The following APCDD1L variants were observed in gnomAD, a reference collection of about 807,000 sequenced individuals.
APCDD1L encodes protein APCDD1-like.
In APCDD1L, 21 loss-of-function variants were observed where a neutral mutation model predicts 24.2. The ratio of observed to expected loss-of-function variants is 0.87; its 90% confidence interval spans 0.61 to 1.25. The LOEUF (loss-of-function observed/expected upper bound fraction) is 1.25, where lower values mean the gene tolerates loss of function less well. Ranked by LOEUF, APCDD1L falls within the 50% of genes most tolerant of loss-of-function variation. The pLI is 0.00. For synonymous variants in APCDD1L, 321 were observed against 323.6 expected, an observed-to-expected ratio of 0.99 and a Z score of 0.09; for missense variants, 704 against 711.7, an observed-to-expected ratio of 0.99 and a Z score of 0.12.
At position 58,460,959 on chromosome 20, in the gene APCDD1L, G is replaced by T; in HGVS notation, c.1337C>A (p.Thr446Asn). Residue 446 changes from threonine to asparagine, a missense_variant, in exon 4 of 4, where the codon ACC (threonine) becomes AAC (asparagine). Thr to Asn is a moderately conservative substitution (Grantham distance 65). Transcript: ENST00000371149. The surrounding 1 kb of genome is among the most constrained non-coding windows in gnomAD (Gnocchi z 4.2). ...GAGCACCAGGGGTGCTTGGTAGGAG[G>T]TGGGACGTTTCTCTGGGGTATCGGG... ...SSPDTPEKRP[T>N]SYQAPLVLCH... 6.2e-7 allele frequency: 1 copy of T among 1,614,166 alleles called. No homozygotes were observed. Among genetic ancestry groups the T allele is most frequent in the African/African-American group, 1.3e-5 (1 of 75,058 alleles).
intron 1 of APCDD1L, among the ~76,000 whole-genome samples, chr20:58,507,260 T>C (rs747025697): frequency 6.6e-6 from 1 of 152,230 alleles, no homozygotes; most frequent in African/African-American, 2.4e-5. Context: ...ACCATGATTG[T>C]GATGACTTCC....
intron 1 of APCDD1L, among the ~76,000 whole-genome samples, chr20:58,510,038 C>T (rs1248692734): frequency 6.6e-6 from 1 of 152,206 alleles, no homozygotes; most frequent in Non-Finnish European, 1.5e-5. Context: ...GGAATTCTGT[C>T]TGTTCTGCCT....
At chr20:58,479,448 C>G (rs1989981198) in intron 1 of APCDD1L, among the ~76,000 whole-genome samples, 1 of 152,170 alleles carries the variant, frequency 6.6e-6, no homozygotes, top group Non-Finnish European at 1.5e-5. Context: ...CAGAGGTTTT[C>G]AAGTTGGCTT....
rs1990715678 is a variant in APCDD1L at position 58,514,986 on chromosome 20, C to A, written c.-279G>T. 1 of 332,756 alleles carries A rather than the reference C, an allele frequency of 3.0e-6. No individual in the cohort carries two copies. Among genetic ancestry groups the A allele is most frequent in the Admixed American group, 4.9e-5 (1 of 20,384 alleles). The allele number at this position is 332,756 out of a possible 1,614,324, so 20.6% of individuals were successfully genotyped here. On this transcript the variant is annotated 5_prime_UTR_variant, in exon 1 of 4. Transcript: ENST00000371149. ...CACACCCGCGCAGCGCGCACAGCCC[C>A]CTGGTGCAGCTCCTGCCATTCAGAC...
chr20:58,479,738 C>T (rs758319517), intron 1 of APCDD1L, among the ~76,000 whole-genome samples: 7 of 151,992 alleles, frequency 4.6e-5, no homozygotes, highest in Non-Finnish European at 1.0e-4. Context: ...TGGCTCCCTA[C>T]CCAAAAAATA....
At chr20:58,500,648 G>C (rs751325764) in intron 1 of APCDD1L, among the ~76,000 whole-genome samples, 1 of 152,102 alleles carries the variant, frequency 6.6e-6, no homozygotes. Flanking sequence ...GGACACCAAG[G>C]CTCCTTGTCT....
intron 1 of APCDD1L, chr20:58,514,042 C>G (rs1990684947): frequency 9.3e-7 from 1 of 1,074,616 alleles, no homozygotes; most frequent in African/African-American, 1.7e-5. Flanking sequence ...CTACCCTACT[C>G]CCCACCCCCA....
rs557310543 is a variant in APCDD1L at position 58,470,546 on chromosome 20, G to A, written c.188+63C>T. 3.9e-5 allele frequency: 59 copies of A among 1,497,342 alleles called. No individual in the cohort carries two copies. In the East Asian group the frequency reaches 1.2e-3, roughly 32 times the overall value. 92.8% of individuals were successfully genotyped at this position (1,497,342 alleles called of 1,614,324 possible). On this transcript the variant is annotated intron_variant, in intron 2 of 3. Coordinates refer to ENST00000371149, the MANE Select transcript of APCDD1L (RefSeq NM_153360.3). ...ATGCCCATTTCAAAGATTGGATGCC[G>A]AGTCCCAGAGGCAGAAGTCTCCCAG...
Position 58,461,520 on chromosome 20 carries a change from A to ATGAGGC in APCDD1L, c.770_775dup (p.Leu258_Ile259insSerLeu). On this transcript the variant is annotated inframe_insertion, in exon 4 of 4. Coordinates refer to ENST00000371149, the MANE Select transcript of APCDD1L (RefSeq NM_153360.3). The surrounding 1 kb of genome is among the most constrained non-coding windows in gnomAD (Gnocchi z 6.0). The stretch of plus-strand genomic sequence containing the variant: ...CGGGTGGTGCACATCGGAGCGGGCA[A>ATGAGGC]TGAGGCCACAGGCTGGGCACGGCTG... 8.3e-6 allele frequency: 12 copies of ATGAGGC among 1,445,690 alleles called. No individual in the cohort carries two copies. The highest frequency in any genetic ancestry group is 1.0e-5 in the Non-Finnish European group (11 of 1,094,776). The allele number at this position is 1,445,690 out of a possible 1,614,324, so 89.6% of individuals were successfully genotyped here.
At position 58,513,728 on chromosome 20, in the gene APCDD1L, C is replaced by T. The variant is rs73918408; in HGVS notation, c.49+931G>A. On this transcript the variant is annotated intron_variant, in intron 1 of 3. Coordinates refer to ENST00000371149, the MANE Select transcript of APCDD1L (RefSeq NM_153360.3). ...CTCCTGCACGTGCTCTCGTAATCTT[C>T]ACAATCATCCCAGACGGAGGAGGGG... 3.6e-3 allele frequency: 1,675 copies of T among 471,242 alleles called. 18 individuals are homozygous for T. The highest frequency in any genetic ancestry group is 0.029 in the African/African-American group (1,452 of 49,918). 29.2% of individuals were successfully genotyped at this position (471,242 alleles called of 1,614,324 possible).
intron 1 of APCDD1L, among the ~76,000 whole-genome samples, chr20:58,512,059 C>A (rs1990639252): frequency 6.6e-6 from 1 of 152,210 alleles, no homozygotes; most frequent in African/African-American, 2.4e-5. Flanking sequence ...CACATCTGGC[C>A]TGACAGGGTT....
intron 1 of APCDD1L, among the ~76,000 whole-genome samples, chr20:58,501,552 C>A (rs1201508826): frequency 6.6e-6 from 1 of 152,224 alleles, no homozygotes; most frequent in Non-Finnish European, 1.5e-5. Context: ...GCCTCCAGAG[C>A]TGGGCAAGAA....
chr20:58,509,165 C>T (rs975527139), intron 1 of APCDD1L, among the ~76,000 whole-genome samples: 5 of 152,064 alleles, frequency 3.3e-5, no homozygotes, highest in African/African-American at 9.7e-5. Flanking sequence ...CTGAGGGAGT[C>T]GTGCTGCCTA....
intron 1 of APCDD1L, among the ~76,000 whole-genome samples, chr20:58,473,986 A>G (rs917842951): frequency 2.0e-5 from 3 of 152,232 alleles, no homozygotes; most frequent in African/African-American, 7.2e-5. Context: ...TCAGAGCACC[A>G]GAAACAGGCC....
In APCDD1L at chr20:58,463,280, C is replaced by A. The variant is rs150559842; in HGVS notation, c.742-1726G>T. Among the ~76,000 whole-genome samples the A allele has an allele frequency of 9.2e-5, 14 of 152,148 alleles. No individual in the cohort carries two copies. The East Asian group carries it at 2.7e-3, about 29-fold the overall frequency. Reference sequence around the variant, plus strand: ...TCGTGTTATTTGTTATAGGGAAAACCGGCCACACTCGGGTCTTCAGGTGCC... The same window carrying A: ...TCGTGTTATTTGTTATAGGGAAAACAGGCCACACTCGGGTCTTCAGGTGCC... On this transcript the variant is annotated intron_variant, in intron 3 of 3. Transcript: ENST00000371149.
At chr20:58,473,604 C>T (rs1482572989) in intron 1 of APCDD1L, among the ~76,000 whole-genome samples, 1 of 152,138 alleles carries the variant, frequency 6.6e-6, no homozygotes, top group Non-Finnish European at 1.5e-5. Flanking sequence ...TTGCTTCCCC[C>T]CCCACCCCTT....
Position 58,497,198 on chromosome 20 carries a change from G to A in APCDD1L, c.49+17461C>T, listed in dbSNP as rs1990342003. ...TGGGAGCTGGTGAAAGGGGCCTCCT[G>A]GGGGTGAGGGGGCATGCAGCGGGTG... is the stretch of plus-strand genomic sequence containing the variant. On this transcript the variant is annotated intron_variant, in intron 1 of 3. Transcript: ENST00000371149. The surrounding 1 kb of genome is among the most constrained non-coding windows in gnomAD (Gnocchi z 4.3). 1.3e-5 allele frequency among the ~76,000 whole-genome samples: 2 copies of A among 151,824 alleles called. No homozygotes were observed. Among genetic ancestry groups the A allele is most frequent in the East Asian group, 1.9e-4 (1 of 5,134 alleles).
In APCDD1L at chr20:58,515,375, A is replaced by G; in HGVS notation, c.-668T>C. On this transcript the variant is annotated 5_prime_UTR_variant, in exon 1 of 4. Coordinates refer to ENST00000371149, the MANE Select transcript of APCDD1L (RefSeq NM_153360.3). ...GAGGCCGTCACCCGCTCCCCACCAC[A>G]CCCAAACGCATCTAGGCAAAGTGTG... 1 of 357,660 alleles carries G rather than the reference A, an allele frequency of 2.8e-6. No homozygotes were observed. 22.2% of individuals were successfully genotyped at this position (357,660 alleles called of 1,614,324 possible).
At position 58,468,266 on chromosome 20, in the gene APCDD1L, C is replaced by G. The variant is rs566638674; in HGVS notation, c.189-608G>C. ...AGAGCTAATGCAGCTATAGATGATA[C>G]GTGCATGGATGGGCATGGTTGTGTG... is the stretch of plus-strand genomic sequence containing the variant. On this transcript the variant is annotated intron_variant, in intron 2 of 3. Transcript: ENST00000371149. Among the ~76,000 whole-genome samples, 42 of 152,230 alleles carry G rather than the reference C, an allele frequency of 2.8e-4. 1 individual carries two copies. The highest frequency in any genetic ancestry group is 9.1e-4 in the African/African-American group (38 of 41,534).
Sources: gnomAD v4.1 joint callset for allele counts (sites outside exome capture counted in the v4.1 genomes callset) on GRCh38, gnomAD v4.1.1 for gene constraint, Gnocchi (gnomAD v3.1) non-coding constraint, MANE v1.5 for transcripts, NCBI Gene and HGNC (gene_info 2026-07-23, HGNC 2026-07-21) for gene names.